FHIT: variants seen among roughly 807,000 people sequenced by gnomAD.
FHIT encodes bis(5'-adenosyl)-triphosphatase.
In FHIT, 19 loss-of-function variants were observed where a neutral mutation model predicts 17.9. The observed-to-expected ratio is 1.06, with a 90% CI of 0.74 to 1.56. FHIT has a LOEUF of 1.56. FHIT is among the 40% of genes most tolerant of loss of function. The probability of loss-of-function intolerance (pLI) is 0.00; values close to 1 mark genes in which losing one functional copy is unlikely to be tolerated. For missense variants in FHIT, 248 were observed against 189.2 expected (o/e 1.31, Z -1.82); for synonymous variants, 81 against 69.7 (o/e 1.16, Z -0.81).
At chr3:60,523,782 G>A (rs894330596) in intron 5 of FHIT, among the ~76,000 whole-genome samples, 2 of 152,266 alleles carry the variant, frequency 1.3e-5, no homozygotes, top group Admixed American at 6.5e-5. Flanking sequence ...AACCTGTGCT[G>A]GGCATGGGAG....
At chr3:60,092,105 T>C (rs1285150391) in intron 5 of FHIT, among the ~76,000 whole-genome samples, 1 of 152,178 alleles carries the variant, frequency 6.6e-6, no homozygotes, top group Non-Finnish European at 1.5e-5. Context: ...TCTAGATACA[T>C]CTGCAATCAA....
At chr3:60,720,627 C>A (rs2041788601) in intron 4 of FHIT, among the ~76,000 whole-genome samples, 1 of 152,110 alleles carries the variant, frequency 6.6e-6, no homozygotes. Flanking sequence ...CTGCTGCAGA[C>A]CAATTAAGTC....
intron 4 of FHIT, among the ~76,000 whole-genome samples, chr3:60,561,506 T>A (rs1485798520): frequency 6.6e-6 from 1 of 151,720 alleles, no homozygotes. Context: ...AACACCTCAA[T>A]CAAGGATGTC....
chr3:60,663,432 C>CTTAT (rs1276446071), intron 4 of FHIT, among the ~76,000 whole-genome samples: 12 of 150,692 alleles, frequency 8.0e-5, no homozygotes, highest in South Asian at 2.1e-4. Flanking sequence ...TTTTTATTTA[C>CTTAT]TTATTTATTT....
At chr3:59,765,290 G>T (rs1306955530) in intron 8 of FHIT, among the ~76,000 whole-genome samples, 1 of 152,214 alleles carries the variant, frequency 6.6e-6, no homozygotes, top group Non-Finnish European at 1.5e-5. Context: ...AGGTATCTAT[G>T]TAAAGGTCCA....
chr3:60,090,455 A>G (rs1703682338), intron 5 of FHIT, among the ~76,000 whole-genome samples: 1 of 152,202 alleles, frequency 6.6e-6, no homozygotes, highest in Non-Finnish European at 1.5e-5. Context: ...AAAGCAAAAT[A>G]GGATTATCAA....
intron 9 of FHIT, chr3:59,751,992 G>A (rs767713972): frequency 2.1e-5 from 9 of 432,398 alleles, no homozygotes; most frequent in Admixed American, 4.2e-5. Flanking sequence ...TGGGCTGGGG[G>A]CACTGGCTTG....
chr3:61,203,179 C>CAAAAAAAAAA (rs397876939), intron 1 of FHIT, among the ~76,000 whole-genome samples: 2 of 86,370 alleles, frequency 2.3e-5, no homozygotes, highest in African/African-American at 1.0e-4. Flanking sequence ...GACTCCGTCT[C>CAAAAAAAAAA]AAAAAAAAAA....
At chr3:60,008,528 C>G (rs574094857) in intron 7 of FHIT, among the ~76,000 whole-genome samples, 3 of 152,252 alleles carry the variant, frequency 2.0e-5, no homozygotes, top group African/African-American at 7.2e-5. Flanking sequence ...CAGTGGTGCA[C>G]CTTCATTAAC....
At chr3:59,918,598 T>C (rs1415218153) in intron 8 of FHIT, among the ~76,000 whole-genome samples, 2 of 152,144 alleles carry the variant, frequency 1.3e-5, no homozygotes, top group Non-Finnish European at 2.9e-5. Flanking sequence ...GCATGCCCAG[T>C]ATACCAGACA....
chr3:60,155,232 G>A (rs1700630391), intron 5 of FHIT, among the ~76,000 whole-genome samples: 2 of 151,320 alleles, frequency 1.3e-5, no homozygotes, highest in South Asian at 4.2e-4. Flanking sequence ...AGCATAAAGT[G>A]TGAAACAGAA....
At position 61,063,255 on chromosome 3, in the gene FHIT, C is replaced by CAAAAA. The variant is rs371077056; in HGVS notation, c.-163-21161_-163-21157dup. 7.3e-5 allele frequency among the ~76,000 whole-genome samples: 7 copies of CAAAAA among 95,918 alleles called. No homozygotes were observed. The Admixed American group carries it at 8.0e-4, about 11-fold the overall frequency. The allele number at this position is 95,918 out of a possible 152,430, so 62.9% of individuals were successfully genotyped here. Reference sequence around the variant, plus strand: ...TGAGCGACAGAGCGAGACTCTGTCTCAAAAAAAAAAAAGATTAGTTTTAAG... The same window carrying CAAAAA: ...TGAGCGACAGAGCGAGACTCTGTCTCAAAAAAAAAAAAAAAAAGATTAGTTTTAAG... On this transcript the variant is annotated intron_variant, in intron 2 of 9. Transcript: ENST00000492590.
At chr3:60,811,545 T>C (rs1192729185) in intron 4 of FHIT, among the ~76,000 whole-genome samples, 4 of 152,212 alleles carry the variant, frequency 2.6e-5, no homozygotes, top group Non-Finnish European at 5.9e-5. Context: ...TCTATACATA[T>C]GTTAGTAACC....
At chr3:59,776,042 C>A (rs149369621) in intron 8 of FHIT, among the ~76,000 whole-genome samples, 1 of 152,210 alleles carries the variant, frequency 6.6e-6, no homozygotes. Context: ...GCTGTCACCT[C>A]GAAAATGAAT....
intron 4 of FHIT, among the ~76,000 whole-genome samples, chr3:60,751,226 G>A (rs2042459547): frequency 6.6e-6 from 1 of 152,220 alleles, no homozygotes; most frequent in Non-Finnish European, 1.5e-5. Context: ...TACAACTGAA[G>A]AAATCTGAGA....
chr3:60,721,335 T>A (rs1196288456), intron 4 of FHIT, among the ~76,000 whole-genome samples: 1 of 152,184 alleles, frequency 6.6e-6, no homozygotes, highest in Non-Finnish European at 1.5e-5. Flanking sequence ...ACTGTATGTC[T>A]CACTCATTTT....
intron 8 of FHIT, among the ~76,000 whole-genome samples, chr3:59,882,495 G>A (rs1306554303): frequency 6.6e-6 from 1 of 152,018 alleles, no homozygotes; most frequent in African/African-American, 2.4e-5. Context: ...TAACTCGGTA[G>A]AGAAATCCAG....
intron 5 of FHIT, among the ~76,000 whole-genome samples, chr3:60,337,194 G>A (rs780067522): frequency 6.6e-6 from 1 of 152,130 alleles, no homozygotes; most frequent in Admixed American, 6.5e-5. Context: ...ATTAGGGAAT[G>A]CATACTTTTT....
intron 5 of FHIT, among the ~76,000 whole-genome samples, chr3:60,384,426 C>T (rs1326023364): frequency 6.6e-6 from 1 of 152,076 alleles, no homozygotes; most frequent in Non-Finnish European, 1.5e-5. Flanking sequence ...TTGAGATAAT[C>T]CAGTTATACA....
Sources: gnomAD v4.1 joint callset for allele counts (sites outside exome capture counted in the v4.1 genomes callset) on GRCh38, gnomAD v4.1.1 for gene constraint, MANE v1.5 for transcripts, NCBI Gene and HGNC (gene_info 2026-07-23, HGNC 2026-07-21) for gene names.